The following ACBD6 variants were observed in gnomAD, a reference collection of about 807,000 sequenced individuals.
ACBD6 encodes the protein acyl-CoA binding domain containing 6.
A neutral mutation model predicts 37.2 loss-of-function variants in ACBD6; 28 were observed. That is an observed-to-expected ratio of 0.75 (90% confidence interval 0.56 to 1.03). ACBD6 has a LOEUF of 1.03. Among genes scored for constraint, ACBD6 ranks in the 50% least tolerant of loss-of-function variants. The pLI is 0.00. For missense variants in ACBD6, 340 were observed against 337.4 expected (o/e 1.01, Z -0.06); for synonymous variants, 113 against 126.8 (o/e 0.89, Z 0.73).
At chr1:180,271,242 C>G (rs1648636081) in exon 14 of ACBD6, 1 of 934,358 alleles carries the variant, frequency 1.1e-6, no homozygotes, top group African/African-American at 1.6e-5. Flanking sequence ...CCTCTCCACT[C>G]TGATGTCCCC....
At chr1:180,305,991 C>T (rs531908607) in intron 7 of ACBD6, among the ~76,000 whole-genome samples, 4 of 151,118 alleles carry the variant, frequency 2.6e-5, no homozygotes, top group South Asian at 2.1e-4. Flanking sequence ...AGCAAACTAT[C>T]GCAAGGACAA....
chr1:180,305,029 C>T (rs1165262034), intron 7 of ACBD6, among the ~76,000 whole-genome samples: 6 of 152,098 alleles, frequency 3.9e-5, no homozygotes, highest in Non-Finnish European at 8.8e-5. Flanking sequence ...ATAAATGGTG[C>T]TGGGAAAACT....
At chr1:180,388,033 G>A (rs61811599) in intron 6 of ACBD6, among the ~76,000 whole-genome samples, 3,166 of 151,910 alleles carry the variant, frequency 0.021, 53 homozygotes, top group Non-Finnish European at 0.026. Context: ...AAAATTAGCC[G>A]GGCGTGATGG....
intron 4 of ACBD6, among the ~76,000 whole-genome samples, chr1:180,421,220 T>C (rs1354415618): frequency 2.0e-5 from 3 of 152,188 alleles, no homozygotes; most frequent in African/African-American, 4.8e-5. Context: ...CATGTGTCCA[T>C]GTGTTCTCAT....
intron 3 of ACBD6, among the ~76,000 whole-genome samples, chr1:180,433,618 G>A (rs1648898657): frequency 7.7e-6 from 1 of 129,234 alleles, no homozygotes; most frequent in African/African-American, 2.9e-5. Context: ...GTGTGTGTGT[G>A]TACAGAGAGA....
intron 10 of ACBD6, chr1:180,274,564 T>C (rs764386568): frequency 6.3e-7 from 1 of 1,580,212 alleles, no homozygotes; most frequent in Admixed American, 1.7e-5. Context: ...ATGAAATGGA[T>C]CATCCTCCTT....
chr1:180,479,553 TAAGA>T (rs1650941996), intron 3 of ACBD6, among the ~76,000 whole-genome samples: 1 of 151,882 alleles, frequency 6.6e-6, no homozygotes, highest in Non-Finnish European at 1.5e-5. Flanking sequence ...AAACATACAG[TAAGA>T]AAGAAGGAAT....
At chr1:180,425,227 C>G (rs1430040342) in intron 4 of ACBD6, among the ~76,000 whole-genome samples, 2 of 152,120 alleles carry the variant, frequency 1.3e-5, no homozygotes, top group East Asian at 3.8e-4. Flanking sequence ...CAAAGACAAA[C>G]CTTTGCTTTC....
intron 6 of ACBD6, among the ~76,000 whole-genome samples, chr1:180,389,471 T>C (rs1653982297): frequency 6.6e-6 from 1 of 152,218 alleles, no homozygotes; most frequent in Non-Finnish European, 1.5e-5. Flanking sequence ...TACGTGTGCA[T>C]GTGTCTTTAT....
chr1:180,489,706 G>C (rs1571576133), intron 3 of ACBD6, among the ~76,000 whole-genome samples: 2 of 151,740 alleles, frequency 1.3e-5, no homozygotes, highest in Admixed American at 6.6e-5. Flanking sequence ...GCCCAGGCTG[G>C]AGTGCAATGG....
chr1:180,459,967 C>CTTTTTT (rs67323272), intron 3 of ACBD6, among the ~76,000 whole-genome samples: 48 of 107,954 alleles, frequency 4.4e-4, no homozygotes, highest in African/African-American at 1.2e-3. Context: ...CAGACTGCTT[C>CTTTTTT]TTTTTTTTTT....
chr1:180,352,430 T>C (rs192905805), intron 6 of ACBD6, among the ~76,000 whole-genome samples: 173 of 152,178 alleles, frequency 1.1e-3, no homozygotes, highest in African/African-American at 4.0e-3. Flanking sequence ...CCTAAGGTGA[T>C]CCACTCGCCT....
At chr1:180,440,242 G>A (rs1649226183) in intron 3 of ACBD6, among the ~76,000 whole-genome samples, 1 of 152,046 alleles carries the variant, frequency 6.6e-6, no homozygotes. Context: ...CAGAGTAGCT[G>A]GGATTACAGA....
rs543813886 is a variant in ACBD6, at chr1:180,288,404, C to T, written c.808G>A (p.Val270Ile). The change falls in exon 8 of 8, where the codon GTT (valine) becomes ATT (isoleucine). Residue 270 changes from valine (V) to isoleucine (I), a missense_variant. Coordinates refer to ENST00000367595, the MANE Select transcript of ACBD6 (RefSeq NM_032360.4). ...LPEEVTGCKTVSLVLQRHTTG... is the reference protein window; with the variant it reads ...LPEEVTGCKTISLVLQRHTTG... Reference sequence around the variant, plus strand: ...GTGTGCCGCTGCAGCACCAAAGAAACTGTTTTGCAGCCTGTCACCTCCTCT... The same window carrying T: ...GTGTGCCGCTGCAGCACCAAAGAAATTGTTTTGCAGCCTGTCACCTCCTCT... 6.2e-7 allele frequency: 1 copy of T among 1,613,800 alleles called. No individual in the cohort carries two copies. The highest frequency in any genetic ancestry group is 1.3e-5 in the African/African-American group (1 of 75,040).
chr1:180,291,612 AAT>A (rs1649710459), intron 7 of ACBD6, among the ~76,000 whole-genome samples: 1 of 152,026 alleles, frequency 6.6e-6, no homozygotes, highest in East Asian at 1.9e-4. Flanking sequence ...TTTTTTTCCA[AAT>A]ATATGTTTTA....
At chr1:180,413,851 A>G (rs1218754216) in intron 4 of ACBD6, among the ~76,000 whole-genome samples, 3 of 152,202 alleles carry the variant, frequency 2.0e-5, no homozygotes, top group Non-Finnish European at 4.4e-5. Context: ...CTACATACCC[A>G]GCACTCTTCT....
chr1:180,395,374 T>C (rs1654220151), intron 6 of ACBD6, among the ~76,000 whole-genome samples: 1 of 152,154 alleles, frequency 6.6e-6, no homozygotes, highest in Non-Finnish European at 1.5e-5. Flanking sequence ...CTCTGTGAAA[T>C]AGGAGGTATT....
rs113548775 is a variant in ACBD6, at chr1:180,458,800, C to T, written c.385-28538G>A. 4.3e-3 allele frequency among the ~76,000 whole-genome samples: 655 copies of T among 152,140 alleles called. 4 individuals are homozygous for T. Among genetic ancestry groups the T allele is most frequent in the African/African-American group, 0.015 (605 of 41,492 alleles). ...AAGAGAAGTACATACTACAAAGGAC[C>T]TTCAAAGAACTAAAAACTTAGATTT... On this transcript the variant is annotated intron_variant, in intron 3 of 7. Coordinates refer to ENST00000367595, the MANE Select transcript of ACBD6 (RefSeq NM_032360.4).
chr1:180,337,798 C>G (rs1298308042), intron 6 of ACBD6, among the ~76,000 whole-genome samples: 2 of 152,216 alleles, frequency 1.3e-5, no homozygotes, highest in African/African-American at 4.8e-5. Context: ...TAAGCAACTT[C>G]AGCAAAGTCT....
Sources: gnomAD v4.1 joint callset for allele counts (sites outside exome capture counted in the v4.1 genomes callset) on GRCh38, gnomAD v4.1.1 for gene constraint, MANE v1.5 for transcripts, NCBI Gene and HGNC (gene_info 2026-07-23, HGNC 2026-07-21) for gene names.